FBXW4: variants seen among roughly 807,000 people sequenced by gnomAD.
FBXW4 encodes F-box/WD repeat-containing protein 4.
Under a neutral mutation model 61.8 loss-of-function variants are expected in FBXW4, and 40 were observed. That is an observed-to-expected ratio of 0.65 (90% CI 0.50 to 0.84). The LOEUF is 0.84. FBXW4 is among the 40% of genes least tolerant of loss of function. FBXW4 has a pLI of 0.00. For missense variants in FBXW4, 672 were observed against 753.8 expected, an observed-to-expected ratio of 0.89 and a Z score of 1.27; for synonymous variants, 311 against 313.8, an observed-to-expected ratio of 0.99 and a Z score of 0.10.
chr10:101,661,823 A>G (rs2064247351), intron 5 of FBXW4, among the ~76,000 whole-genome samples: 1 of 152,136 alleles, frequency 6.6e-6, no homozygotes, highest in Admixed American at 6.6e-5. Flanking sequence ...GGGAAAGGAG[A>G]AGAGAGAGGT....
At chr10:101,676,537 A>C in intron 1 of FBXW4, 101 bp from the exon 2 acceptor site, 2 of 852,356 alleles carry the variant, frequency 2.3e-6, no homozygotes, top group Non-Finnish European at 1.9e-6. Context: ...CATCCAGAAT[A>C]CAAGTAAAGA....
intron 5 of FBXW4, among the ~76,000 whole-genome samples, chr10:101,654,734 T>C (rs2064172126): frequency 6.6e-6 from 1 of 152,248 alleles, no homozygotes; most frequent in South Asian, 2.1e-4. Flanking sequence ...ATCTGTGTCA[T>C]CCTTTTAATG....
rs1281571538 is a variant in FBXW4 at position 101,695,110 on chromosome 10, G to A, written c.-5C>T. 1 of 985,494 alleles carries A rather than the reference G, an allele frequency of 1.0e-6. No homozygotes were observed. The highest frequency in any genetic ancestry group is 1.7e-5 in the African/African-American group (1 of 57,190). The allele number at this position is 985,494 out of a possible 1,614,324, so 61.0% of individuals were successfully genotyped here. On this transcript the variant is annotated 5_prime_UTR_variant, in exon 1 of 9. Coordinates refer to ENST00000331272, the MANE Select transcript of FBXW4 (RefSeq NM_022039.4). The surrounding 1 kb of genome is among the most constrained non-coding windows in gnomAD (Gnocchi z 4.2). The stretch of plus-strand genomic sequence containing the variant: ...CGAGCGGCCCTGGCTGCCCATGAGC[G>A]GCCGCGGGGCCGGCCCGACGCGGAG...
At chr10:101,621,662 T>C (rs1271933833) in intron 6 of FBXW4, among the ~76,000 whole-genome samples, 1 of 152,214 alleles carries the variant, frequency 6.6e-6, no homozygotes, top group Non-Finnish European at 1.5e-5. Context: ...TTCACGATAA[T>C]TTTGTTCATA....
chr10:101,623,310 G>A (rs1419787111), intron 6 of FBXW4, among the ~76,000 whole-genome samples: 1 of 152,126 alleles, frequency 6.6e-6, no homozygotes, highest in African/African-American at 2.4e-5. Context: ...CTACTAGGGA[G>A]GCTGAGATGG....
chr10:101,627,117 G>C (rs1392179594), intron 5 of FBXW4, among the ~76,000 whole-genome samples: 1 of 148,886 alleles, frequency 6.7e-6, no homozygotes, highest in Non-Finnish European at 1.5e-5. Flanking sequence ...TTGAGCTCCT[G>C]GGCTCAAGTT....
intron 5 of FBXW4, among the ~76,000 whole-genome samples, chr10:101,642,701 C>T (rs1233263868): frequency 6.6e-6 from 1 of 152,198 alleles, no homozygotes; most frequent in Non-Finnish European, 1.5e-5. Flanking sequence ...TATTTGCTTT[C>T]TGGGAAAAGT....
intron 5 of FBXW4, among the ~76,000 whole-genome samples, chr10:101,630,527 C>T (rs912582423): frequency 4.6e-5 from 7 of 152,162 alleles, no homozygotes; most frequent in South Asian, 2.1e-4. Flanking sequence ...TTGCTGCTGC[C>T]GCCATCTGCT....
chr10:101,614,527 G>A (rs910424183), intron 6 of FBXW4, among the ~76,000 whole-genome samples: 21 of 152,142 alleles, frequency 1.4e-4, no homozygotes, highest in South Asian at 4.1e-4. Context: ...CCCTGCCCTC[G>A]GGGGGAGAGC....
rs546354937 is a variant in FBXW4, at chr10:101,620,279, C to T, written c.1301+4466G>A. On this transcript the variant is annotated intron_variant, in intron 6 of 8. Transcript: ENST00000331272. ...CAAACTTTGTCCTGCCTGTTCATTA[C>T]CTTAATCCTATTTTCTACATGGCTT... Among the ~76,000 whole-genome samples the T allele has an allele frequency of 3.9e-5, 6 of 152,348 alleles. No homozygotes were observed. In the South Asian group the frequency reaches 1.2e-3, roughly 32 times the overall value.
At position 101,694,634 on chromosome 10, in the gene FBXW4, C is replaced by G. The variant is rs111600818; in HGVS notation, c.472G>C (p.Ala158Pro). The change falls in exon 1 of 9, where the codon GCG (alanine) becomes CCG (proline). Residue 158 changes from alanine to proline, a missense_variant. Physicochemically the swap from Ala to Pro is conservative, Grantham distance 27. This residue lies in a region of FBXW4 where 311 missense variants were observed against 301.1 expected (regional missense o/e 1.03). Transcript: ENST00000331272. This position sits in a 1 kb window ranked among gnomAD's most constrained non-coding sequence, Gnocchi z 6.0. ...TCCTCCTCCTCCTCCCCGGCCGCCG[C>G]CGCCATGGCCACCCCTGTCCCCGCG... ...DIAGTGVAMA[A>P]AAGEEEEEEE... 0.011 allele frequency: 16,323 copies of G among 1,428,140 alleles called. 261 individuals carry two copies. Among genetic ancestry groups the G allele is most frequent in the East Asian group, 0.063 (2,137 of 34,074 alleles). 88.5% of individuals were successfully genotyped at this position (1,428,140 alleles called of 1,614,324 possible). A position where few individuals can be genotyped will look rare whatever the true frequency, so the allele number is the denominator to read the frequency against.
At chr10:101,630,396 C>G (rs983383970) in intron 5 of FBXW4, among the ~76,000 whole-genome samples, 1 of 152,318 alleles carries the variant, frequency 6.6e-6, no homozygotes, top group East Asian at 1.9e-4. Context: ...TCATTGGCAC[C>G]TGGGGGCCCC....
chr10:101,651,640 G>A (rs1486749496), intron 5 of FBXW4, among the ~76,000 whole-genome samples: 1 of 151,936 alleles, frequency 6.6e-6, no homozygotes, highest in South Asian at 2.1e-4. Flanking sequence ...CTCCCATCGG[G>A]GGTTGCTTCT....
intron 5 of FBXW4, among the ~76,000 whole-genome samples, chr10:101,657,832 G>A (rs1016349044): frequency 1.3e-5 from 2 of 152,226 alleles, no homozygotes; most frequent in South Asian, 4.2e-4. Flanking sequence ...GTCATCATGT[G>A]TAAAATTCTA....
chr10:101,611,815 A>C lies in FBXW4; in HGVS notation c.1443-46T>G, dbSNP rs760799090. 13 of 1,587,042 alleles carry C rather than the reference A, an allele frequency of 8.2e-6. No individual in the cohort carries two copies. Among genetic ancestry groups the C allele is most frequent in the Non-Finnish European group, 1.0e-5 (12 of 1,163,850 alleles). ...CAGAGGGAGGTTTAGGGTACCCTCC[A>C]CCTCTACCCCAGCTTTCTTGGGCCT... On this transcript the variant is annotated intron_variant, in intron 7 of 8. Coordinates refer to ENST00000331272, the MANE Select transcript of FBXW4 (RefSeq NM_022039.4). This position sits in a 1 kb window ranked among gnomAD's most constrained non-coding sequence, Gnocchi z 4.9.
At chr10:101,681,052 G>T (rs1227381485) in intron 1 of FBXW4, among the ~76,000 whole-genome samples, 1 of 152,140 alleles carries the variant, frequency 6.6e-6, no homozygotes, top group Non-Finnish European at 1.5e-5. Flanking sequence ...AATTTATAAA[G>T]GTAGAGGTGG....
intron 6 of FBXW4, among the ~76,000 whole-genome samples, chr10:101,617,093 G>A (rs1196771290): frequency 6.6e-6 from 1 of 152,192 alleles, no homozygotes; most frequent in Non-Finnish European, 1.5e-5. Flanking sequence ...CGCAGCAACA[G>A]CTCACATATC....
intron 5 of FBXW4, among the ~76,000 whole-genome samples, chr10:101,642,712 C>G (rs1471015978): frequency 5.3e-5 from 8 of 152,212 alleles, no homozygotes; most frequent in African/African-American, 1.4e-4. Flanking sequence ...TGGGAAAAGT[C>G]TGCCCCTCGA....
chr10:101,628,855 C>T (rs1207762676), intron 5 of FBXW4, among the ~76,000 whole-genome samples: 1 of 152,142 alleles, frequency 6.6e-6, no homozygotes, highest in Non-Finnish European at 1.5e-5. Context: ...AACAGAAAGC[C>T]CTTACCAGAA....
Sources: allele counts gnomAD v4.1 joint callset (sites outside exome capture counted in the v4.1 genomes callset), GRCh38; gene constraint gnomAD v4.1.1; regional missense constraint gnomAD v4.1.1; non-coding constraint Gnocchi (gnomAD v3.1); transcripts MANE v1.5; gene names NCBI Gene and HGNC (gene_info 2026-07-23, HGNC 2026-07-21).